MAP3K4: variants seen among roughly 807,000 people sequenced by gnomAD.
The protein encoded by MAP3K4 is mitogen-activated protein kinase kinase kinase 4, also known as MAP three kinase 1.
In MAP3K4, 67 loss-of-function variants were observed where a neutral mutation model predicts 185.6. The ratio of observed to expected loss-of-function variants is 0.36; its 90% CI spans 0.30 to 0.44. The LOEUF (loss-of-function observed/expected upper bound fraction) is 0.44. Among genes scored for constraint, MAP3K4 ranks in the 20% least tolerant of loss-of-function variants. The probability of loss-of-function intolerance (pLI) is 1.00; values close to 1 mark genes in which losing one functional copy is unlikely to be tolerated. For missense variants in MAP3K4, 1,551 were observed against 1,995.1 expected (o/e 0.78, Z 4.24); for synonymous variants, 702 against 710.4 (o/e 0.99, Z 0.19).
At chr6:161,032,492 A>G (rs1583140315) in intron 1 of MAP3K4, among the ~76,000 whole-genome samples, 2 of 152,230 alleles carry the variant, frequency 1.3e-5, no homozygotes, top group East Asian at 1.9e-4. Context: ...TTGTAAATGT[A>G]CACAGAGAGA....
chr6:161,025,936 A>AAAC (rs1261368292), intron 1 of MAP3K4, among the ~76,000 whole-genome samples: 1 of 152,160 alleles, frequency 6.6e-6, no homozygotes, highest in Non-Finnish European at 1.5e-5. Context: ...GTTAAGCCTA[A>AAAC]AACAACTGTT....
chr6:161,073,949 A>G lies in MAP3K4; in HGVS notation c.2097+337A>G, dbSNP rs1277546769. Among the ~76,000 whole-genome samples, 1 of 152,216 alleles carries G rather than the reference A, an allele frequency of 6.6e-6. No homozygotes were observed. Among genetic ancestry groups the G allele is most frequent in the Non-Finnish European group, 1.5e-5 (1 of 68,034 alleles). ...CTTTACTTGTAGAATAGTTCATCTT[A>G]TGGCAGAATGGCCCAGAAGTAGAAT... is the stretch of plus-strand genomic sequence containing the variant. On this transcript the variant is annotated intron_variant, in intron 5 of 26. Coordinates refer to ENST00000392142, the MANE Select transcript of MAP3K4 (RefSeq NM_005922.4). This position sits in a 1 kb window ranked among gnomAD's most constrained non-coding sequence, Gnocchi z 4.2.
chr6:161,033,425 A>C (rs1783018492), intron 1 of MAP3K4, among the ~76,000 whole-genome samples: 1 of 152,218 alleles, frequency 6.6e-6, no homozygotes, highest in Non-Finnish European at 1.5e-5. Context: ...TTATTTGAGA[A>C]GTTGGCCAGG....
At chr6:161,090,160 G>A (rs1392740532) in intron 11 of MAP3K4, among the ~76,000 whole-genome samples, 1 of 152,154 alleles carries the variant, frequency 6.6e-6, no homozygotes, top group African/African-American at 2.4e-5. Context: ...GGTCTGATTT[G>A]TCTGATTTAT....
In MAP3K4 at chr6:161,110,573, C is replaced by CCCTA; in HGVS notation, c.4396+660_4396+663dup. 6.6e-6 allele frequency among the ~76,000 whole-genome samples: 1 copy of CCCTA among 152,296 alleles called. No homozygotes were observed. On this transcript the variant is annotated intron_variant, in intron 23 of 26. Coordinates refer to ENST00000392142, the MANE Select transcript of MAP3K4 (RefSeq NM_005922.4). The surrounding 1 kb of genome is among the most constrained non-coding windows in gnomAD (Gnocchi z 4.8). ...GGGAAGTATTTTTGTGCCTATTTGG[C>CCCTA]CCTAGGCTGAAGAGTTTCATTCTGT...
At chr6:161,039,115 A>G (rs186783194) in intron 2 of MAP3K4, among the ~76,000 whole-genome samples, 26 of 152,152 alleles carry the variant, frequency 1.7e-4, no homozygotes, top group Non-Finnish European at 3.1e-4. Flanking sequence ...GGCTGGCCCA[A>G]ATTCACTGTG....
Position 161,091,414 on chromosome 6 carries a change from T to A in MAP3K4, c.3009T>A (p.Asn1003Lys), listed in dbSNP as rs55704622. 7.4e-3 allele frequency: 11,906 copies of A among 1,614,038 alleles called. 55 individuals carry two copies. Among genetic ancestry groups the A allele is most frequent in the South Asian group, 0.01 (912 of 91,054 alleles). ...DALELCNRISNAIDRVDHMFT... is the reference protein window; with the variant it reads ...DALELCNRISKAIDRVDHMFT... ...TGGAGCTATGCAACAGGATAAGCAATGCCATTGACCGCGTGGACCACATGT... is the reference window on the plus strand; with the variant it reads ...TGGAGCTATGCAACAGGATAAGCAAAGCCATTGACCGCGTGGACCACATGT... The change falls in exon 12 of 27, where the codon AAT (asparagine) becomes AAA (lysine). Residue 1003 changes from asparagine (N) to lysine (K), a missense_variant. By Grantham distance (94) the Asn-to-Lys change is moderately conservative (BLOSUM62 0). Around this residue, in one of 16 missense-constraint regions of MAP3K4, gnomAD observed 261 missense variants for 306.5 expected, o/e 0.85. Coordinates refer to ENST00000392142, the MANE Select transcript of MAP3K4 (RefSeq NM_005922.4). This position sits in a 1 kb window ranked among gnomAD's most constrained non-coding sequence, Gnocchi z 5.5.
In MAP3K4 at chr6:161,007,347, A is replaced by T. The variant is rs1781636913; in HGVS notation, c.152+15264A>T. 6.6e-6 allele frequency among the ~76,000 whole-genome samples: 1 copy of T among 152,204 alleles called. No homozygotes were observed. Among genetic ancestry groups the T allele is most frequent in the Non-Finnish European group, 1.5e-5 (1 of 68,030 alleles). On this transcript the variant is annotated intron_variant, in intron 1 of 26. Coordinates refer to ENST00000392142, the MANE Select transcript of MAP3K4 (RefSeq NM_005922.4). This position sits in a 1 kb window ranked among gnomAD's most constrained non-coding sequence, Gnocchi z 4.5. ...TGTCTTGAAGAGGAGGGAGAAACTTAGGGTTTTATAAAACGTGGGAATTAC... is the reference window on the plus strand; with the variant it reads ...TGTCTTGAAGAGGAGGGAGAAACTTTGGGTTTTATAAAACGTGGGAATTAC...
In MAP3K4 at chr6:161,053,202, T is replaced by C. The variant is rs181564925; in HGVS notation, c.1707+3223T>C. Among the ~76,000 whole-genome samples, 32 of 152,304 alleles carry C rather than the reference T, an allele frequency of 2.1e-4. No individual in the cohort carries two copies. Among genetic ancestry groups the C allele is most frequent in the Admixed American group, 1.2e-3 (19 of 15,290 alleles). On this transcript the variant is annotated intron_variant, in intron 3 of 26. Transcript: ENST00000392142. This position sits in a 1 kb window ranked among gnomAD's most constrained non-coding sequence, Gnocchi z 4.2. ...AGCCAGAGCAGGCACTTCTCATGGC[T>C]GGAGCACGGGCAGGGTGAAGGTGCT...
rs976507997 is a variant in MAP3K4 at position 161,070,324 on chromosome 6, T to G, written c.1708-284T>G. Among the ~76,000 whole-genome samples the G allele has an allele frequency of 9.9e-5, 15 of 152,224 alleles. No individual in the cohort carries two copies. The highest frequency in any genetic ancestry group is 1.8e-4 in the Non-Finnish European group (12 of 68,036). ...CATTTTAAGTGTGAGGCAAAAATGT[T>G]AAAGATGAACCTGATTCTTTTTCTA... On this transcript the variant is annotated intron_variant, in intron 3 of 26. Transcript: ENST00000392142. This position sits in a 1 kb window ranked among gnomAD's most constrained non-coding sequence, Gnocchi z 4.5.
chr6:161,058,772 A>ATATG (rs1784359257), intron 3 of MAP3K4, among the ~76,000 whole-genome samples: 1 of 152,100 alleles, frequency 6.6e-6, no homozygotes, highest in African/African-American at 2.4e-5. Flanking sequence ...ATATATATAT[A>ATATG]TATAGCTCTC....
intron 1 of MAP3K4, among the ~76,000 whole-genome samples, chr6:161,005,065 A>G (rs926623267): frequency 6.6e-6 from 1 of 152,114 alleles, no homozygotes; most frequent in African/African-American, 2.4e-5. Context: ...TTCCCTTTCC[A>G]TGAACCTTCT....
chr6:161,044,232 A>G (rs1783617575), intron 2 of MAP3K4, among the ~76,000 whole-genome samples: 1 of 152,238 alleles, frequency 6.6e-6, no homozygotes, highest in Non-Finnish European at 1.5e-5. Context: ...TCATCAAGTT[A>G]TTAAGAACTA....
At chr6:161,013,182 CTG>C (rs1369342827) in intron 1 of MAP3K4, among the ~76,000 whole-genome samples, 1 of 152,152 alleles carries the variant, frequency 6.6e-6, no homozygotes, top group Non-Finnish European at 1.5e-5. Flanking sequence ...TTACTAAAAA[CTG>C]TTTGCTAATT....
At chr6:161,030,802 T>G (rs995450534) in intron 1 of MAP3K4, among the ~76,000 whole-genome samples, 1 of 152,210 alleles carries the variant, frequency 6.6e-6, no homozygotes, top group African/African-American at 2.4e-5. Flanking sequence ...TTAAATACTG[T>G]TGGATTTTGT....
chr6:161,036,987 G>A (rs1388604573), intron 2 of MAP3K4, among the ~76,000 whole-genome samples: 1 of 152,160 alleles, frequency 6.6e-6, no homozygotes, highest in Admixed American at 6.5e-5. Flanking sequence ...TTACAGCTGA[G>A]GAAACTGGCT....
chr6:161,093,669 A>G lies in MAP3K4; in HGVS notation c.3349-104A>G. On this transcript the variant is annotated intron_variant, in intron 14 of 26. Transcript: ENST00000392142. The surrounding 1 kb of genome is among the most constrained non-coding windows in gnomAD (Gnocchi z 5.2). ...TAAACTAACTGAAAATATTTTGGGT[A>G]GCATGTTTTTAAAAATATACTGAAA... is the stretch of plus-strand genomic sequence containing the variant. The G allele has an allele frequency of 3.1e-6, 2 of 650,550 alleles. No homozygotes were observed. Among genetic ancestry groups the G allele is most frequent in the Non-Finnish European group, 2.7e-6 (1 of 372,038 alleles). 40.3% of individuals were successfully genotyped at this position (650,550 alleles called of 1,614,324 possible).
In MAP3K4 at chr6:161,048,471, AT is replaced by A; in HGVS notation, c.344-140del. The A allele has an allele frequency of 1.7e-6, 1 of 599,728 alleles. No homozygotes were observed. The highest frequency in any genetic ancestry group is 2.4e-5 in the South Asian group (1 of 42,082). The allele number at this position is 599,728 out of a possible 1,614,324, so 37.2% of individuals were successfully genotyped here. On this transcript the variant is annotated intron_variant, in intron 2 of 26. Coordinates refer to ENST00000392142, the MANE Select transcript of MAP3K4 (RefSeq NM_005922.4). The surrounding 1 kb of genome is among the most constrained non-coding windows in gnomAD (Gnocchi z 4.7). ...TCATATATATTTTTTGATTCCTTTA[AT>A]TTTTAGGATATGGTATGCTTTTTTT... is the stretch of plus-strand genomic sequence containing the variant.
chr6:161,009,615 C>G (rs1781755708), intron 1 of MAP3K4, among the ~76,000 whole-genome samples: 1 of 152,078 alleles, frequency 6.6e-6, no homozygotes, highest in Non-Finnish European at 1.5e-5. Flanking sequence ...GTGTACATAT[C>G]ACACTTCATT....
Sources: allele counts gnomAD v4.1 joint callset (sites outside exome capture counted in the v4.1 genomes callset), GRCh38; gene constraint gnomAD v4.1.1; regional missense constraint gnomAD v4.1.1; non-coding constraint Gnocchi (gnomAD v3.1); transcripts MANE v1.5; gene names NCBI Gene and HGNC (gene_info 2026-07-23, HGNC 2026-07-21).